Variants in LPAR1 observed in about 807,000 individuals in gnomAD.
The protein encoded by LPAR1 is lysophosphatidic acid receptor 1, also known as LPA receptor 1.
In LPAR1, 5 loss-of-function variants were observed where a neutral mutation model predicts 23.8. The ratio of observed to expected loss-of-function variants is 0.21; its 90% CI spans 0.11 to 0.44. The LOEUF (loss-of-function observed/expected upper bound fraction) is 0.44. Among genes scored for constraint, LPAR1 ranks in the 20% least tolerant of loss-of-function variants. The pLI is 0.99. For missense variants in LPAR1, 311 were observed against 482.8 expected (o/e 0.64, Z 3.33); for synonymous variants, 160 against 164.7 (o/e 0.97, Z 0.22).
intron 5 of LPAR1, among the ~76,000 whole-genome samples, chr9:110,914,623 C>T (rs2092859344): frequency 6.6e-6 from 1 of 152,160 alleles, no homozygotes; most frequent in Admixed American, 6.6e-5. Flanking sequence ...TAGAACAATT[C>T]TGGTTGTGAG....
intron 5 of LPAR1, among the ~76,000 whole-genome samples, chr9:110,889,463 C>A (rs917171981): frequency 6.6e-6 from 1 of 152,150 alleles, no homozygotes; most frequent in African/African-American, 2.4e-5. Context: ...TGTAGATACA[C>A]ACATGCCCTC....
At chr9:110,932,272 C>T (rs2094460969) in intron 5 of LPAR1, among the ~76,000 whole-genome samples, 2 of 152,094 alleles carry the variant, frequency 1.3e-5, no homozygotes, top group African/African-American at 4.8e-5. Flanking sequence ...TAAGATAAAG[C>T]CCTGGCATCA....
chr9:110,882,573 T>C (rs1279241716), intron 5 of LPAR1, among the ~76,000 whole-genome samples: 2 of 152,222 alleles, frequency 1.3e-5, no homozygotes, highest in Non-Finnish European at 2.9e-5. Flanking sequence ...TCAGAATTTG[T>C]ATCCTATAAT....
At chr9:110,905,934 C>T (rs1344119736) in intron 5 of LPAR1, among the ~76,000 whole-genome samples, 9 of 152,134 alleles carry the variant, frequency 5.9e-5, no homozygotes, top group Non-Finnish European at 1.5e-5. Flanking sequence ...ACCTAATTTA[C>T]AGCAGTGCTA....
chr9:110,939,847 T>C (rs1251609300), intron 5 of LPAR1, among the ~76,000 whole-genome samples: 1 of 152,182 alleles, frequency 6.6e-6, no homozygotes, highest in Non-Finnish European at 1.5e-5. Context: ...ATATAAAAAA[T>C]GTCAACCAAC....
chr9:110,924,246 A>AAG (rs1381036386), intron 5 of LPAR1, among the ~76,000 whole-genome samples: 1 of 151,660 alleles, frequency 6.6e-6, no homozygotes, highest in East Asian at 1.9e-4. Context: ...AGCAAAAAAA[A>AAG]AAAAGAAAAC....
In LPAR1 at chr9:110,955,427, TATA is replaced by T. The variant is rs1422131306; in HGVS notation, c.46-13262_46-13260del. 1.8e-4 allele frequency among the ~76,000 whole-genome samples: 27 copies of T among 152,112 alleles called. 1 individual carries two copies. Among genetic ancestry groups the T allele is most frequent in the Admixed American group, 1.7e-3 (26 of 15,276 alleles). On this transcript the variant is annotated intron_variant, in intron 4 of 5. Transcript: ENST00000683809. ...CACCAAACACAGAAACAACTAGATG[TATA>T]ATATTATTAGACCTAAAGGAAGAGA...
intron 5 of LPAR1, among the ~76,000 whole-genome samples, chr9:110,898,054 C>T (rs556290155): frequency 5.9e-5 from 9 of 152,228 alleles, no homozygotes; most frequent in African/African-American, 1.9e-4. Flanking sequence ...TCTTCAGATA[C>T]GTATTTCAAG....
At chr9:111,005,733 C>T (rs73541443) in intron 2 of LPAR1, among the ~76,000 whole-genome samples, 1,611 of 152,070 alleles carry the variant, frequency 0.011, 26 homozygotes, top group African/African-American at 0.034. Context: ...TACTTCATGC[C>T]TTCCATATTC....
rs572189306 is a variant in LPAR1, at chr9:110,943,883, A to C, written c.46-1715T>G. 1.9e-4 allele frequency among the ~76,000 whole-genome samples: 28 copies of C among 145,688 alleles called. No individual in the cohort carries two copies. The South Asian group carries it at 4.7e-3, about 24-fold the overall frequency. On this transcript the variant is annotated intron_variant, in intron 4 of 5. Transcript: ENST00000683809. ...TCCATCTCAAAAAAAAAAAAAAAAA[A>C]GACAAAGTTGATCAAGCTGTTTCCC...
At chr9:111,004,473 G>C (rs1349970666) in intron 2 of LPAR1, among the ~76,000 whole-genome samples, 2 of 152,076 alleles carry the variant, frequency 1.3e-5, no homozygotes, top group Non-Finnish European at 2.9e-5. Context: ...GATGAACCAT[G>C]GCTTCCTCCA....
chr9:110,930,318 C>A (rs1320467154), intron 5 of LPAR1, among the ~76,000 whole-genome samples: 3 of 151,820 alleles, frequency 2.0e-5, no homozygotes, highest in Non-Finnish European at 4.4e-5. Context: ...GAGTTCGATA[C>A]CACCCTGACC....
At chr9:110,977,722 G>A (rs2096580368) in intron 2 of LPAR1, among the ~76,000 whole-genome samples, 1 of 48,868 alleles carries the variant, frequency 2.0e-5, no homozygotes, top group East Asian at 2.4e-4. Context: ...GTATACCTAT[G>A]TAAGAAACTG....
At chr9:110,959,522 G>A (rs1321246050) in intron 4 of LPAR1, among the ~76,000 whole-genome samples, 3 of 152,182 alleles carry the variant, frequency 2.0e-5, no homozygotes. Context: ...GGAGGCTGAG[G>A]TGGGAGGATC....
chr9:110,978,096 G>C (rs1045643189), intron 2 of LPAR1, among the ~76,000 whole-genome samples: 1 of 152,078 alleles, frequency 6.6e-6, no homozygotes. Flanking sequence ...CTATATAAAA[G>C]AGAAAACTCT....
At chr9:111,000,126 G>A (rs1271465208) in intron 2 of LPAR1, among the ~76,000 whole-genome samples, 1 of 152,152 alleles carries the variant, frequency 6.6e-6, no homozygotes, top group Admixed American at 6.5e-5. Flanking sequence ...ATGAATTTCA[G>A]GGAGACACAT....
intron 2 of LPAR1, among the ~76,000 whole-genome samples, chr9:110,987,129 G>A (rs997535066): frequency 7.2e-5 from 11 of 151,994 alleles, no homozygotes; most frequent in Admixed American, 6.6e-5. Context: ...TATACTATGG[G>A]AAAAATATAA....
intron 5 of LPAR1, among the ~76,000 whole-genome samples, chr9:110,925,318 C>T (rs1463950780): frequency 6.6e-6 from 1 of 151,540 alleles, no homozygotes; most frequent in East Asian, 1.9e-4. Context: ...ATACATTGGT[C>T]CGTGTATCCA....
intron 2 of LPAR1, among the ~76,000 whole-genome samples, chr9:111,007,795 T>A (rs905191385): frequency 5.9e-5 from 9 of 152,150 alleles, no homozygotes; most frequent in Admixed American, 5.9e-4. Context: ...GAAACAGCAA[T>A]CTGTGCTAAC....
Sources: allele counts gnomAD v4.1 joint callset (sites outside exome capture counted in the v4.1 genomes callset), GRCh38; gene constraint gnomAD v4.1.1; transcripts MANE v1.5; gene names NCBI Gene and HGNC (gene_info 2026-07-23, HGNC 2026-07-21).